Variants in PRR16 observed in about 807,000 individuals in gnomAD.
PRR16 encodes the protein proline rich 16.
PRR16 carries 6 observed loss-of-function variants against 18.2 expected under a neutral mutation model. That is an observed-to-expected ratio of 0.33 (90% CI 0.18 to 0.65). The LOEUF is 0.65. PRR16 is among the 30% of genes least tolerant of loss of function. The pLI, the probability that PRR16 is intolerant of heterozygous loss-of-function variation, is 0.74. For synonymous variants in PRR16, 151 were observed against 147.8 expected (o/e 1.02, Z -0.16); for missense variants, 412 against 376.6 (o/e 1.09, Z -0.78).
chr5:120,523,414 G>A (rs1328492641), intron 1 of PRR16, among the ~76,000 whole-genome samples: 1 of 152,070 alleles, frequency 6.6e-6, no homozygotes, highest in Non-Finnish European at 1.5e-5. Flanking sequence ...GGCAAGTACT[G>A]TCTTGAGTTG....
intron 1 of PRR16, among the ~76,000 whole-genome samples, chr5:120,488,599 G>A (rs952709218): frequency 6.6e-6 from 1 of 152,172 alleles, no homozygotes; most frequent in East Asian, 1.9e-4. Flanking sequence ...CAAAAAACCA[G>A]CTCCTGGATT....
the PRR16 span, among the ~76,000 whole-genome samples, chr5:120,758,974 CTT>C: frequency 6.3e-5 from 7 of 110,348 alleles, no homozygotes; most frequent in Non-Finnish European, 8.6e-5. Context: ...ACCATAATTT[CTT>C]TTTTTTTTTT....
chr5:120,548,493 T>C (rs186931897), intron 1 of PRR16, among the ~76,000 whole-genome samples: 131 of 152,220 alleles, frequency 8.6e-4, no homozygotes, highest in African/African-American at 2.6e-3. Flanking sequence ...TTTTTCACTT[T>C]AGTTGAATCA....
Position 120,470,883 on chromosome 5 carries a change from A to G in PRR16, c.159+6238A>G, listed in dbSNP as rs943031988. 2.6e-5 allele frequency among the ~76,000 whole-genome samples: 4 copies of G among 152,074 alleles called. No homozygotes were observed. The East Asian group carries it at 7.7e-4, about 29-fold the overall frequency. On this transcript the variant is annotated intron_variant, in intron 1 of 1. Transcript: ENST00000407149. Reference sequence around the variant, plus strand: ...AGCTTGGTGTCAAAGAACAGCATTAACCGCCAAGCTCTTTCACGTTTCCTA... The same window carrying G: ...AGCTTGGTGTCAAAGAACAGCATTAGCCGCCAAGCTCTTTCACGTTTCCTA...
At chr5:120,573,998 T>C (rs1390626113) in intron 1 of PRR16, among the ~76,000 whole-genome samples, 1 of 151,736 alleles carries the variant, frequency 6.6e-6, no homozygotes, top group Non-Finnish European at 1.5e-5. Context: ...TTACAGAGTA[T>C]AGAAAAAAAG....
the PRR16 span, among the ~76,000 whole-genome samples, chr5:120,704,780 A>G: frequency 6.6e-6 from 1 of 152,314 alleles, no homozygotes; most frequent in South Asian, 2.1e-4. Context: ...AATACAATAC[A>G]GAGAATGGCA....
chr5:120,548,506 G>C lies in PRR16; in HGVS notation c.159+83861G>C, dbSNP rs563215144. On this transcript the variant is annotated intron_variant, in intron 1 of 1. Transcript: ENST00000407149. ...ACTTTTTCACTTTAGTTGAATCAGG[G>C]TTGTTATAAAGATAAATTGGGAAGT... Among the ~76,000 whole-genome samples, 4 of 152,126 alleles carry C rather than the reference G, an allele frequency of 2.6e-5. No homozygotes were observed. The South Asian group carries it at 8.3e-4, about 32-fold the overall frequency.
the PRR16 span, chr5:120,710,811 G>C: frequency 6.6e-6 from 1 of 152,182 alleles, no homozygotes; most frequent in African/African-American, 2.4e-5. Flanking sequence ...ATAAACCTCA[G>C]TGGGTGTAAT....
intron 1 of PRR16, among the ~76,000 whole-genome samples, chr5:120,466,172 T>A (rs1749073300): frequency 6.6e-6 from 1 of 152,222 alleles, no homozygotes; most frequent in African/African-American, 2.4e-5. Flanking sequence ...GATTATTGCT[T>A]CACAACTGGT....
At chr5:120,528,639 C>T (rs529626838) in intron 1 of PRR16, among the ~76,000 whole-genome samples, 1 of 152,160 alleles carries the variant, frequency 6.6e-6, no homozygotes, top group South Asian at 2.1e-4. Flanking sequence ...TGGGGGACCT[C>T]AATTTTAAGA....
chr5:120,704,730 G>A, the PRR16 span, among the ~76,000 whole-genome samples: 3 of 152,046 alleles, frequency 2.0e-5, no homozygotes, highest in Non-Finnish European at 4.4e-5. Flanking sequence ...AAATGAACCA[G>A]GTGATTCTAG....
intron 1 of PRR16, among the ~76,000 whole-genome samples, chr5:120,483,368 T>C (rs529138154): frequency 6.6e-6 from 1 of 152,156 alleles, no homozygotes; most frequent in Admixed American, 6.6e-5. Flanking sequence ...TGTATTGTCT[T>C]GGCCAGAACT....
At chr5:120,488,956 T>C (rs1177882186) in intron 1 of PRR16, among the ~76,000 whole-genome samples, 2 of 152,182 alleles carry the variant, frequency 1.3e-5, no homozygotes, top group African/African-American at 4.8e-5. Context: ...TGTAGTTGAG[T>C]GGTTTTGAAG....
intron 1 of PRR16, chr5:120,618,575 AAAG>A: frequency 1.1e-5 from 10 of 928,768 alleles, no homozygotes; most frequent in Non-Finnish European, 1.2e-5. Context: ...GGTAAGTAAA[AAAG>A]AAGTTATAGC....
chr5:120,498,897 A>T (rs943664365), intron 1 of PRR16, among the ~76,000 whole-genome samples: 4 of 151,932 alleles, frequency 2.6e-5, no homozygotes, highest in Admixed American at 2.6e-4. Flanking sequence ...TGTCTTTTAA[A>T]TTATATTTTT....
chr5:120,639,015 A>G (rs369837333), intron 1 of PRR16, among the ~76,000 whole-genome samples: 1 of 152,104 alleles, frequency 6.6e-6, no homozygotes, highest in Admixed American at 6.6e-5. Context: ...TTTTGTAACT[A>G]TTGGCAAACA....
chr5:120,576,280 T>C (rs1324208129), intron 1 of PRR16, among the ~76,000 whole-genome samples: 1 of 151,982 alleles, frequency 6.6e-6, no homozygotes, highest in Admixed American at 6.6e-5. Flanking sequence ...TAATCCAAAA[T>C]ATATAAAAGA....
At chr5:120,714,761 T>C in the PRR16 span, among the ~76,000 whole-genome samples, 2 of 152,110 alleles carry the variant, frequency 1.3e-5, no homozygotes, top group Non-Finnish European at 2.9e-5. Context: ...AATGATAGAC[T>C]GGATAAAGAA....
At chr5:120,699,543 G>A in the PRR16 span, among the ~76,000 whole-genome samples, 3 of 152,142 alleles carry the variant, frequency 2.0e-5, no homozygotes, top group South Asian at 2.1e-4. Flanking sequence ...GAAGGAGCCA[G>A]GAAGCAGAAA....
Sources: allele counts gnomAD v4.1 joint callset (sites outside exome capture counted in the v4.1 genomes callset), GRCh38; gene constraint gnomAD v4.1.1; transcripts MANE v1.5; gene names NCBI Gene and HGNC (gene_info 2026-07-23, HGNC 2026-07-21).